SFSWAP: variants seen among roughly 807,000 people sequenced by gnomAD.
The protein encoded by SFSWAP is splicing factor SWAP.
SFSWAP carries 17 observed loss-of-function variants against 100.7 expected under a neutral mutation model. The ratio of observed to expected loss-of-function variants is 0.17; its 90% CI spans 0.12 to 0.25. The LOEUF is 0.25. Ranked by LOEUF, SFSWAP falls within the 10% of genes least tolerant of loss-of-function variation. The pLI, the probability that SFSWAP is intolerant of heterozygous loss-of-function variation, is 1.00. For synonymous variants in SFSWAP, 504 were observed against 510.1 expected (o/e 0.99, Z 0.16); for missense variants, 1,005 against 1,262.6 (o/e 0.80, Z 3.09).
Position 131,716,949 on chromosome 12 carries a change from G to C in SFSWAP, c.520+1996G>C, listed in dbSNP as rs553260683. Among the ~76,000 whole-genome samples the C allele has an allele frequency of 7.2e-5, 11 of 152,138 alleles. 1 individual carries two copies. Among genetic ancestry groups the C allele is most frequent in the Non-Finnish European group, 1.0e-4 (7 of 68,026 alleles). Reference sequence around the variant, plus strand: ...TCCCCTTAAGATAAAGTTCTCTTTAGTATTTTACAATGTTACTTCTTTTCT... The same window carrying C: ...TCCCCTTAAGATAAAGTTCTCTTTACTATTTTACAATGTTACTTCTTTTCT... On this transcript the variant is annotated intron_variant, in intron 3 of 17. Transcript: ENST00000261674.
Position 131,755,332 on chromosome 12 carries a change from A to G in SFSWAP, c.1455-54A>G, listed in dbSNP as rs1347742975. 3.2e-6 allele frequency: 4 copies of G among 1,246,272 alleles called. No individual in the cohort carries two copies. The African/African-American group carries it at 4.4e-5, about 14-fold the overall frequency. 77.2% of individuals were successfully genotyped at this position (1,246,272 alleles called of 1,614,324 possible). On this transcript the variant is annotated intron_variant, in intron 9 of 17. Transcript: ENST00000261674. ...AGCTAGGAGAACAGGGCCTGTTGTTACTTCAGTGAGCTTGTCTTGGTAAAT... is the reference window on the plus strand; with the variant it reads ...AGCTAGGAGAACAGGGCCTGTTGTTGCTTCAGTGAGCTTGTCTTGGTAAAT...
At chr12:131,799,271 T>C (rs1320883995) in intron 17 of SFSWAP, 152 bp from the exon 18 acceptor site, 2 of 1,002,946 alleles carry the variant, frequency 2.0e-6, no homozygotes, top group African/African-American at 1.6e-5. Context: ...CAAAGCCGTG[T>C]GGCCCGCACC....
chr12:131,714,258 C>G lies in SFSWAP; in HGVS notation c.388+18C>G. On this transcript the variant is annotated intron_variant, in intron 2 of 17. Coordinates refer to ENST00000261674, the MANE Select transcript of SFSWAP (RefSeq NM_004592.4). This position sits in a 1 kb window ranked among gnomAD's most constrained non-coding sequence, Gnocchi z 6.0. ...AAGGCAAGGTACTGCTCAAGACAAACTTACTTCAGCAACAAACTTTTTAAA... is the reference window on the plus strand; with the variant it reads ...AAGGCAAGGTACTGCTCAAGACAAAGTTACTTCAGCAACAAACTTTTTAAA... The G allele has an allele frequency of 6.4e-7, 1 of 1,572,694 alleles. No individual in the cohort carries two copies. Among genetic ancestry groups the G allele is most frequent in the Non-Finnish European group, 8.6e-7 (1 of 1,159,586 alleles).
chr12:131,795,007 T>C (rs1885525522), intron 15 of SFSWAP, among the ~76,000 whole-genome samples: 1 of 152,234 alleles, frequency 6.6e-6, no homozygotes, highest in Admixed American at 6.5e-5. Flanking sequence ...ATATGTTTTA[T>C]TTATTTGCCG....
At chr12:131,715,291 T>C (rs1056716901) in intron 3 of SFSWAP, among the ~76,000 whole-genome samples, 2 of 152,172 alleles carry the variant, frequency 1.3e-5, no homozygotes, top group African/African-American at 4.8e-5. Context: ...AGGTGTTAAC[T>C]GGGATAAGTT....
chr12:131,743,009 A>G (rs962753651), intron 7 of SFSWAP, among the ~76,000 whole-genome samples: 1 of 152,220 alleles, frequency 6.6e-6, no homozygotes, highest in Admixed American at 6.5e-5. Flanking sequence ...ATCAGATCTC[A>G]TAAGACTCAT....
At chr12:131,769,126 C>CA (rs11406090) in intron 13 of SFSWAP, among the ~76,000 whole-genome samples, 120,523 of 146,940 alleles carry the variant, frequency 0.82, 51,530 homozygotes, top group East Asian at 0.96. Flanking sequence ...GACTCCTTCT[C>CA]AAAAAAAAAA....
At chr12:131,766,810 A>C (rs1883157199) in intron 13 of SFSWAP, among the ~76,000 whole-genome samples, 1 of 152,266 alleles carries the variant, frequency 6.6e-6, no homozygotes, top group Non-Finnish European at 1.5e-5. Flanking sequence ...CAGTGGTGTG[A>C]GCAGGAATAG....
At chr12:131,735,265 G>A (rs915518433) in intron 7 of SFSWAP, among the ~76,000 whole-genome samples, 3 of 152,308 alleles carry the variant, frequency 2.0e-5, no homozygotes, top group East Asian at 3.9e-4. Flanking sequence ...AGATTTATGC[G>A]CGCTTTCTGA....
chr12:131,752,095 G>A (rs942387490), intron 7 of SFSWAP, among the ~76,000 whole-genome samples: 1 of 152,140 alleles, frequency 6.6e-6, no homozygotes, highest in Non-Finnish European at 1.5e-5. Context: ...AAGATGGAAA[G>A]GTCAAGATAG....
chr12:131,745,770 CAA>C (rs1181381602), intron 7 of SFSWAP, among the ~76,000 whole-genome samples: 1 of 119,254 alleles, frequency 8.4e-6, no homozygotes. Flanking sequence ...TTTTTTTTGG[CAA>C]AAAAAAAAAG....
intron 3 of SFSWAP, among the ~76,000 whole-genome samples, chr12:131,715,661 A>T (rs187249201): frequency 6.6e-6 from 1 of 152,374 alleles, no homozygotes; most frequent in African/African-American, 2.4e-5. Context: ...TAATGCTAAC[A>T]TGAACCTGAC....
intron 14 of SFSWAP, among the ~76,000 whole-genome samples, chr12:131,780,947 G>C: frequency 1.3e-5 from 2 of 152,248 alleles, no homozygotes; most frequent in Middle Eastern, 6.8e-3. Context: ...CGGATGTGAT[G>C]TCTGATATTT....
rs1879720266 is a variant in SFSWAP, at chr12:131,733,630, G to A, written c.1081+5202G>A. On this transcript the variant is annotated intron_variant, in intron 7 of 17. Transcript: ENST00000261674. This position sits in a 1 kb window ranked among gnomAD's most constrained non-coding sequence, Gnocchi z 5.1. The stretch of plus-strand genomic sequence containing the variant: ...GCTCACCGACTGCAGCCGTATTCCT[G>A]GAGAGAGAAGGAGGCCTGTCACAGC... 1.3e-5 allele frequency among the ~76,000 whole-genome samples: 2 copies of A among 151,984 alleles called. No homozygotes were observed. The highest frequency in any genetic ancestry group is 4.8e-5 in the African/African-American group (2 of 41,366).
intron 7 of SFSWAP, among the ~76,000 whole-genome samples, chr12:131,729,764 G>A (rs529719135): frequency 6.6e-6 from 1 of 152,244 alleles, no homozygotes; most frequent in Non-Finnish European, 1.5e-5. Flanking sequence ...TGCTTCCCAG[G>A]CAGCTCTGGT....
chr12:131,765,080 G>T (rs775336630), intron 12 of SFSWAP, among the ~76,000 whole-genome samples: 1 of 152,202 alleles, frequency 6.6e-6, no homozygotes, highest in African/African-American at 2.4e-5. Flanking sequence ...CCTACCCACA[G>T]AACCATTGGG....
chr12:131,751,045 C>T (rs1183047944), intron 7 of SFSWAP, among the ~76,000 whole-genome samples: 9 of 152,004 alleles, frequency 5.9e-5, no homozygotes, highest in South Asian at 2.1e-4. Flanking sequence ...GCCATTTTGC[C>T]GGCACTGCTA....
At position 131,775,422 on chromosome 12, in the gene SFSWAP, G is replaced by C. The variant is rs144010788; in HGVS notation, c.2143-2643G>C. On this transcript the variant is annotated intron_variant, in intron 13 of 17. Coordinates refer to ENST00000261674, the MANE Select transcript of SFSWAP (RefSeq NM_004592.4). ...ATGGCGTCTTTCAGCCCCTGGGCCG[G>C]CTTGCTTTCTGCGCAGCGTGTGCTC... is the stretch of plus-strand genomic sequence containing the variant. Among the ~76,000 whole-genome samples the C allele has an allele frequency of 4.8e-3, 736 of 152,288 alleles. 4 individuals carry two copies. Among genetic ancestry groups the C allele is most frequent in the Non-Finnish European group, 7.1e-3 (486 of 68,020 alleles).
intron 11 of SFSWAP, among the ~76,000 whole-genome samples, chr12:131,758,457 C>T (rs1334604723): frequency 1.3e-5 from 2 of 152,154 alleles, no homozygotes; most frequent in African/African-American, 2.4e-5. Context: ...TGAAAAGATG[C>T]GGAGACAGAA....
Sources: gnomAD v4.1 joint callset for allele counts (sites outside exome capture counted in the v4.1 genomes callset) on GRCh38, gnomAD v4.1.1 for gene constraint, Gnocchi (gnomAD v3.1) non-coding constraint, MANE v1.5 for transcripts, NCBI Gene and HGNC (gene_info 2026-07-23, HGNC 2026-07-21) for gene names.